The following PARP16 variants were observed in gnomAD, a reference collection of about 807,000 sequenced individuals.
PARP16 encodes the protein poly(ADP-ribose) polymerase family member 16.
In PARP16, 31 loss-of-function variants were observed where a neutral mutation model predicts 35.0. The ratio of observed to expected loss-of-function variants is 0.88; its 90% CI spans 0.66 to 1.19. PARP16 has a LOEUF of 1.19. PARP16 is among the 50% of genes most tolerant of loss of function. The pLI is 0.00. For synonymous variants in PARP16, 162 were observed against 169.5 expected, an observed-to-expected ratio of 0.96 and a Z score of 0.34; for missense variants, 424 against 411.2, an observed-to-expected ratio of 1.03 and a Z score of -0.27.
chr15:65,241,563 T>C (rs895080852), intron 3 of PARP16, among the ~76,000 whole-genome samples: 9 of 152,226 alleles, frequency 5.9e-5, no homozygotes, highest in Admixed American at 3.3e-4. Context: ...GGGTGTGCAG[T>C]GGTATTTCAC....
chr15:65,279,313 TGTTG>T (rs1163089427), intron 1 of PARP16, among the ~76,000 whole-genome samples: 1 of 152,130 alleles, frequency 6.6e-6, no homozygotes, highest in Non-Finnish European at 1.5e-5. Flanking sequence ...GTGGTACAGG[TGTTG>T]GTTGCTATAT....
chr15:65,280,983 C>T (rs747760422), intron 1 of PARP16, among the ~76,000 whole-genome samples: 4 of 152,112 alleles, frequency 2.6e-5, no homozygotes, highest in Non-Finnish European at 5.9e-5. Flanking sequence ...TGAGGCAGGA[C>T]CTGCTTTTCT....
downstream of PARP16, among the ~76,000 whole-genome samples, chr15:65,255,261 T>C (rs920688): frequency 0.72 from 108,741 of 151,934 alleles, 39,875 homozygotes; most frequent in East Asian, 0.99. Flanking sequence ...ACTAGTCCTG[T>C]GCTAACTCAT....
intron 1 of PARP16, among the ~76,000 whole-genome samples, chr15:65,271,369 G>T (rs977025710): frequency 6.6e-6 from 1 of 152,124 alleles, no homozygotes; most frequent in East Asian, 1.9e-4. Flanking sequence ...TGCCTCCTAG[G>T]TTCAAGCAAT....
At position 65,263,201 on chromosome 15, in the gene PARP16, G is replaced by A. The variant is rs201211739; in HGVS notation, c.639C>T (p.Ala213=). Residue 213 remains alanine (A), a synonymous_variant, in exon 4 of 6, where the codon GCC becomes GCT. Transcript: ENST00000649807. The part of the protein sequence containing the change: ...SLLGPILSCV[A]VCEVIDHPDV... ...CCGGATGGTCAATGACCTCACACAC[G>A]GCCACACAGCTAAGGATGGGGCCGA... 9.9e-6 allele frequency: 16 copies of A among 1,614,150 alleles called. No homozygotes were observed. The highest frequency in any genetic ancestry group is 1.6e-4 in the Middle Eastern group (1 of 6,062).
At chr15:65,262,944 A>C (rs2089783023) in intron 4 of PARP16, among the ~76,000 whole-genome samples, 1 of 150,598 alleles carries the variant, frequency 6.6e-6, no homozygotes, top group African/African-American at 2.5e-5. Context: ...CCCCCTACCT[A>C]CCCCCTTGTA....
chr15:65,281,037 A>G (rs2090408814), intron 1 of PARP16, among the ~76,000 whole-genome samples: 1 of 152,172 alleles, frequency 6.6e-6, no homozygotes, highest in Admixed American at 6.6e-5. Context: ...CCTCAACCAC[A>G]CTAAGCAGCG....
downstream of PARP16, among the ~76,000 whole-genome samples, chr15:65,257,322 C>T (rs1490090961): frequency 6.6e-6 from 1 of 152,000 alleles, no homozygotes; most frequent in East Asian, 1.9e-4. Flanking sequence ...GAGGCTAAGA[C>T]AGGAGAATTG....
chr15:65,257,301 C>G (rs1235003460), downstream of PARP16, among the ~76,000 whole-genome samples: 1 of 152,100 alleles, frequency 6.6e-6, no homozygotes, highest in East Asian at 1.9e-4. Context: ...CCTGTAATCC[C>G]AGCTACTCAG....
At chr15:65,262,729 C>T (rs1003930112) in intron 4 of PARP16, among the ~76,000 whole-genome samples, 1 of 152,164 alleles carries the variant, frequency 6.6e-6, no homozygotes, top group Non-Finnish European at 1.5e-5. Flanking sequence ...CATACCAAGG[C>T]TTTCTGCCGA....
downstream of PARP16, among the ~76,000 whole-genome samples, chr15:65,232,837 C>T (rs542185611): frequency 2.6e-5 from 4 of 151,906 alleles, no homozygotes; most frequent in Non-Finnish European, 4.4e-5. Flanking sequence ...GGGAGGATCG[C>T]GTGAGAACCA....
intron 2 of PARP16, among the ~76,000 whole-genome samples, chr15:65,267,319 A>G (rs1434997879): frequency 6.7e-6 from 1 of 148,968 alleles, no homozygotes; most frequent in African/African-American, 2.5e-5. Context: ...CTAAGTGGAG[A>G]TCACAGGGCT....
At chr15:65,285,607 G>A in intron 1 of PARP16, 1 of 247,104 alleles carries the variant, frequency 4.0e-6, no homozygotes. Context: ...TGTCTTTAAT[G>A]AATATCAGCT....
At chr15:65,253,149 A>C (rs1399559760), downstream of PARP16, among the ~76,000 whole-genome samples, 1 of 149,086 alleles carries the variant, frequency 6.7e-6, no homozygotes, top group Non-Finnish European at 1.5e-5. Flanking sequence ...AAAAAAAAAC[A>C]AAACAAACAA....
chr15:65,233,857 C>A (rs764028521), downstream of PARP16, among the ~76,000 whole-genome samples: 9 of 152,058 alleles, frequency 5.9e-5, no homozygotes, highest in African/African-American at 2.2e-4. Context: ...CCTTTGAATT[C>A]GTGACTTTTT....
At chr15:65,244,632 A>T (rs189181087) in intron 3 of PARP16, among the ~76,000 whole-genome samples, 12 of 152,318 alleles carry the variant, frequency 7.9e-5, no homozygotes, top group African/African-American at 2.9e-4. Context: ...TTAGGTGGGG[A>T]CACAGCCAAG....
Position 65,283,518 on chromosome 15 carries a change from C to A in PARP16, c.174+2735G>T, listed in dbSNP as rs574128728. 7.4e-4 allele frequency among the ~76,000 whole-genome samples: 113 copies of A among 152,254 alleles called. 1 individual carries two copies. Among genetic ancestry groups the A allele is most frequent in the African/African-American group, 2.7e-3 (112 of 41,550 alleles). Reference sequence around the variant, plus strand: ...AGTCACACTAAATCACAGTCTTGTCCTTCTCTGTAAGCTCACACCTCCTGG... The same window carrying A: ...AGTCACACTAAATCACAGTCTTGTCATTCTCTGTAAGCTCACACCTCCTGG... On this transcript the variant is annotated intron_variant, in intron 1 of 5. Transcript: ENST00000649807.
At chr15:65,237,423 G>T (rs2088914391) in intron 3 of PARP16, among the ~76,000 whole-genome samples, 1 of 152,154 alleles carries the variant, frequency 6.6e-6, no homozygotes, top group African/African-American at 2.4e-5. Context: ...GGAAAAAAGG[G>T]TCTTCATGGA....
intron 5 of PARP16, 82 bp downstream of exon 5, chr15:65,260,803 G>A (rs969588297): frequency 7.8e-7 from 1 of 1,287,512 alleles, no homozygotes; most frequent in African/African-American, 1.5e-5. Flanking sequence ...GTCTAAGGCT[G>A]GGGGAGGGGA....
Sources: allele counts gnomAD v4.1 joint callset (sites outside exome capture counted in the v4.1 genomes callset), GRCh38; gene constraint gnomAD v4.1.1; transcripts MANE v1.5; gene names NCBI Gene and HGNC (gene_info 2026-07-23, HGNC 2026-07-21).